Variants in STEAP1B observed in about 807,000 individuals in gnomAD.
STEAP1B encodes STEAP family member 1B, also known as STEAP family protein MGC87042.
In STEAP1B, 13 loss-of-function variants were observed where a neutral mutation model predicts 27.9. The observed-to-expected ratio is 0.47, with a 90% confidence interval of 0.30 to 0.74. The LOEUF (loss-of-function observed/expected upper bound fraction) is 0.74, where lower values mean the gene tolerates loss of function less well. Among genes scored for constraint, STEAP1B ranks in the 30% least tolerant of loss-of-function variants. The probability of loss-of-function intolerance (pLI) is 0.06; values close to 1 mark genes in which losing one functional copy is unlikely to be tolerated. For synonymous variants in STEAP1B, 86 were observed against 107.1 expected (o/e 0.80, Z 1.22); for missense variants, 250 against 298.7 (o/e 0.84, Z 1.20).
At position 22,450,589 on chromosome 7, in the gene STEAP1B, C is replaced by T. The variant is rs545999772; in HGVS notation, c.763-30753G>A. On this transcript the variant is annotated intron_variant, in intron 4 of 4. Transcript: ENST00000678116. Reference sequence around the variant, plus strand: ...TTTGGTTACTTAGGTAATGTGATTCCTGTAGTTTTGTTTTTTTTTTTTTGC... The same window carrying T: ...TTTGGTTACTTAGGTAATGTGATTCTTGTAGTTTTGTTTTTTTTTTTTTGC... Among the ~76,000 whole-genome samples the T allele has an allele frequency of 5.0e-5, 7 of 139,078 alleles. No individual in the cohort carries two copies. The East Asian group carries it at 1.5e-3, about 29-fold the overall frequency. 91.2% of individuals were successfully genotyped at this position (139,078 alleles called of 152,430 possible).
chr7:22,438,619 C>T (rs1785284843), intron 4 of STEAP1B: 2 of 1,552,030 alleles, frequency 1.3e-6, no homozygotes, highest in Non-Finnish European at 8.7e-7. Flanking sequence ...TATATAACTC[C>T]TAGTCTTGGA....
At chr7:22,456,952 C>CCATATATA (rs1478025290) in intron 4 of STEAP1B, among the ~76,000 whole-genome samples, 2 of 73,278 alleles carry the variant, frequency 2.7e-5, no homozygotes, top group South Asian at 6.3e-4. Context: ...GGATAGGCAG[C>CCATATATA]TATATATATA....
rs565282948 is a variant in STEAP1B, at chr7:22,419,626, G to A, written c.*178C>T. 5 of 554,924 alleles carry A rather than the reference G, an allele frequency of 9.0e-6. No individual in the cohort carries two copies. Among genetic ancestry groups the A allele is most frequent in the Middle Eastern group, 3.5e-4 (1 of 2,846 alleles). The allele number at this position is 554,924 out of a possible 1,614,324, so 34.4% of individuals were successfully genotyped here. A position where few individuals can be genotyped will look rare whatever the true frequency, so the allele number is the denominator to read the frequency against. The stretch of plus-strand genomic sequence containing the variant: ...TTTTTGTTTGCTCTCTCATGAGTCC[G>A]CTGGGGGATCCACTCATCTGCCCTG... On this transcript the variant is annotated 3_prime_UTR_variant, in exon 5 of 5. Coordinates refer to ENST00000678116, the MANE Select transcript of STEAP1B (RefSeq NM_001382447.1).
chr7:22,460,088 C>A (rs1785652871), intron 4 of STEAP1B, among the ~76,000 whole-genome samples: 1 of 151,868 alleles, frequency 6.6e-6, no homozygotes, highest in Admixed American at 6.6e-5. Context: ...GGTGGGAGGA[C>A]TGCTTGAGCC....
At chr7:22,477,935 C>T (rs1786000241) in intron 4 of STEAP1B, among the ~76,000 whole-genome samples, 1 of 152,112 alleles carries the variant, frequency 6.6e-6, no homozygotes, top group Non-Finnish European at 1.5e-5. Flanking sequence ...TCCCTTGTAA[C>T]TCAAAAAACA....
intron 4 of STEAP1B, among the ~76,000 whole-genome samples, chr7:22,487,805 AAAAAAAAAAAAAAAAAAGAAAAAAG>A (rs1786240000): frequency 1.1e-5 from 1 of 94,816 alleles, no homozygotes; most frequent in Admixed American, 1.2e-4. Flanking sequence ...AACTCCACCC[AAAAAAAAAAAAAAAAAAGAAAAAAG>A]AAAAAAAAAA....
chr7:22,434,398 G>C (rs1285717061), intron 4 of STEAP1B, among the ~76,000 whole-genome samples: 1 of 152,254 alleles, frequency 6.6e-6, no homozygotes, highest in Non-Finnish European at 1.5e-5. Context: ...GCCCCATAGA[G>C]GGCTTTTCCT....
intron 4 of STEAP1B, among the ~76,000 whole-genome samples, chr7:22,456,972 A>ATATATATATATATATATATTTTTTTTTT: frequency 1.8e-5 from 1 of 57,046 alleles, no homozygotes; most frequent in Non-Finnish European, 3.3e-5. Context: ...ATATATATAT[A>ATATATATATATATATATATTTTTTTTTT]TTTTTTTTTT....
intron 1 of STEAP1B, among the ~76,000 whole-genome samples, chr7:22,498,398 G>A (rs1786478731): frequency 6.6e-6 from 1 of 152,156 alleles, no homozygotes; most frequent in African/African-American, 2.4e-5. Context: ...GTGGGGTGGG[G>A]GAGGGAGGTG....
At chr7:22,456,428 T>C (rs1050950979) in intron 4 of STEAP1B, among the ~76,000 whole-genome samples, 2 of 152,202 alleles carry the variant, frequency 1.3e-5, no homozygotes, top group Admixed American at 6.5e-5. Flanking sequence ...TTCACCATTA[T>C]GCTCCTTGAA....
At chr7:22,491,965 T>C (rs966682873) in intron 4 of STEAP1B, among the ~76,000 whole-genome samples, 2 of 152,144 alleles carry the variant, frequency 1.3e-5, no homozygotes, top group Non-Finnish European at 2.9e-5. Context: ...GTAGTATTTC[T>C]GTTCAGCATC....
intron 4 of STEAP1B, among the ~76,000 whole-genome samples, chr7:22,443,954 G>C (rs1000755861): frequency 1.3e-5 from 2 of 152,232 alleles, no homozygotes; most frequent in Non-Finnish European, 2.9e-5. Context: ...CCCATAAACT[G>C]ACCCTCAGGG....
chr7:22,459,986 C>A (rs1283714942), intron 4 of STEAP1B, among the ~76,000 whole-genome samples: 1 of 152,058 alleles, frequency 6.6e-6, no homozygotes, highest in Non-Finnish European at 1.5e-5. Flanking sequence ...TAGGTCCAAT[C>A]ATTAAATGGA....
intron 4 of STEAP1B, chr7:22,438,351 T>C (rs2528842): frequency 0.44 from 431,012 of 987,392 alleles, 95,328 homozygotes; most frequent in East Asian, 0.58. Flanking sequence ...TACATAATAC[T>C]GTTAGTGAAG....
At chr7:22,455,965 G>A (rs1352840579) in intron 4 of STEAP1B, among the ~76,000 whole-genome samples, 1 of 152,132 alleles carries the variant, frequency 6.6e-6, no homozygotes, top group Non-Finnish European at 1.5e-5. Flanking sequence ...GGCTAACACG[G>A]TGAAACCCCA....
At chr7:22,452,424 C>G (rs113485168) in intron 4 of STEAP1B, among the ~76,000 whole-genome samples, 2 of 152,052 alleles carry the variant, frequency 1.3e-5, no homozygotes, top group Non-Finnish European at 2.9e-5. Flanking sequence ...GACAATCCCC[C>G]CCCTCCCCGC....
intron 4 of STEAP1B, among the ~76,000 whole-genome samples, chr7:22,462,007 T>C (rs1361833726): frequency 1.3e-5 from 2 of 152,202 alleles, no homozygotes; most frequent in Non-Finnish European, 2.9e-5. Flanking sequence ...TGTGCTCTAC[T>C]AATGGCCAAA....
intron 4 of STEAP1B, among the ~76,000 whole-genome samples, chr7:22,429,226 G>C (rs1562565315): frequency 2.0e-5 from 3 of 152,118 alleles, no homozygotes; most frequent in African/African-American, 7.2e-5. Flanking sequence ...GACAAATACA[G>C]GAGTATACAA....
At chr7:22,497,818 C>A (rs1372510266) in intron 1 of STEAP1B, among the ~76,000 whole-genome samples, 2 of 152,114 alleles carry the variant, frequency 1.3e-5, no homozygotes, top group African/African-American at 2.4e-5. Flanking sequence ...TCTGGGGAGG[C>A]CTCAGAGGGC....
Sources: allele counts gnomAD v4.1 joint callset (sites outside exome capture counted in the v4.1 genomes callset), GRCh38; gene constraint gnomAD v4.1.1; transcripts MANE v1.5; gene names NCBI Gene and HGNC (gene_info 2026-07-23, HGNC 2026-07-21).